Variants in NPSR1 observed in about 807,000 individuals in gnomAD.
The protein encoded by NPSR1 is neuropeptide S receptor 1.
NPSR1 carries 48 observed loss-of-function variants against 46.9 expected under a neutral mutation model. The observed-to-expected ratio is 1.02, with a 90% CI of 0.81 to 1.30. The LOEUF is 1.30. Ranked by LOEUF, NPSR1 falls within the 50% of genes most tolerant of loss-of-function variation. NPSR1 has a pLI of 0.00. For missense variants in NPSR1, 450 were observed against 449.5 expected, an observed-to-expected ratio of 1.00 and a Z score of -0.01; for synonymous variants, 176 against 168.1, an observed-to-expected ratio of 1.05 and a Z score of -0.36.
intron 3 of NPSR1, among the ~76,000 whole-genome samples, chr7:34,806,397 G>A (rs1788700231): frequency 6.6e-6 from 1 of 152,072 alleles, no homozygotes; most frequent in South Asian, 2.1e-4. Context: ...CCATTGCTAA[G>A]TGAAAGAAGC....
intron 2 of NPSR1, among the ~76,000 whole-genome samples, chr7:34,777,116 C>G (rs1786999988): frequency 6.6e-6 from 1 of 152,156 alleles, no homozygotes; most frequent in South Asian, 2.1e-4. Flanking sequence ...CCCCAGTGTA[C>G]TGGCTCTGGG....
At chr7:34,796,629 A>G (rs542280925) in intron 3 of NPSR1, among the ~76,000 whole-genome samples, 2 of 152,350 alleles carry the variant, frequency 1.3e-5, no homozygotes, top group South Asian at 2.1e-4. Context: ...AAACAATGAT[A>G]TAGCACTGCA....
chr7:34,857,165 T>C (rs1245528979), intron 8 of NPSR1, among the ~76,000 whole-genome samples: 1 of 151,750 alleles, frequency 6.6e-6, no homozygotes, highest in African/African-American at 2.4e-5. Flanking sequence ...ATGACTATTG[T>C]TCAGAAACTG....
intron 2 of NPSR1, among the ~76,000 whole-genome samples, chr7:34,724,687 T>C (rs1263013899): frequency 6.6e-6 from 1 of 152,180 alleles, no homozygotes; most frequent in African/African-American, 2.4e-5. Context: ...CCCAGCTCTA[T>C]GTCTAATGAG....
intron 2 of NPSR1, among the ~76,000 whole-genome samples, chr7:34,735,395 A>G (rs1229426414): frequency 6.6e-6 from 1 of 152,110 alleles, no homozygotes; most frequent in African/African-American, 2.4e-5. Flanking sequence ...CATTCTTGGC[A>G]GGGCCATCTC....
At chr7:34,732,701 C>G (rs1437219124) in intron 2 of NPSR1, among the ~76,000 whole-genome samples, 9 of 152,148 alleles carry the variant, frequency 5.9e-5, no homozygotes, top group Non-Finnish European at 2.9e-5. Flanking sequence ...CTGAATTTGA[C>G]TCACTCATGC....
intron 2 of NPSR1, among the ~76,000 whole-genome samples, chr7:34,738,112 C>T (rs1784767348): frequency 6.6e-6 from 1 of 152,290 alleles, no homozygotes; most frequent in East Asian, 1.9e-4. Context: ...CAGGAGAGAG[C>T]ATTTTTGGAG....
chr7:34,872,600 T>A (rs1485864316), intron 8 of NPSR1, among the ~76,000 whole-genome samples: 1 of 151,806 alleles, frequency 6.6e-6, no homozygotes. Flanking sequence ...AAGGGTTTAA[T>A]GGACTTACAG....
At chr7:34,773,827 C>G (rs1439185101) in intron 2 of NPSR1, among the ~76,000 whole-genome samples, 3 of 152,294 alleles carry the variant, frequency 2.0e-5, no homozygotes, top group African/African-American at 7.2e-5. Flanking sequence ...GTCAACTGGA[C>G]AAGTTATCTT....
At position 34,778,557 on chromosome 7, in the gene NPSR1, T is replaced by A. The variant is rs368017225; in HGVS notation, c.376T>A (p.Tyr126Asn). Residue 126 changes from tyrosine (Y) to asparagine (N), a missense_variant, in exon 3 of 9, where the codon TAT (tyrosine) becomes AAT (asparagine). By Grantham distance (143) the Tyr-to-Asn change is moderately radical. Coordinates refer to ENST00000360581, the MANE Select transcript of NPSR1 (RefSeq NM_207172.2). The stretch of plus-strand genomic sequence containing the variant: ...TGACCTGGTTTGCCGAGTGGTCCGC[T>A]ATTTGCAGGTATGTCACACCTTCCA... ...APDLVCRVVR[Y>N]LQVVLLYAST... 5.6e-6 allele frequency: 9 copies of A among 1,603,384 alleles called. No individual in the cohort carries two copies. In the African/African-American group the frequency reaches 1.2e-4, roughly 21 times the overall value.
At chr7:34,764,449 C>A (rs2128730420) in intron 2 of NPSR1, among the ~76,000 whole-genome samples, 1 of 152,300 alleles carries the variant, frequency 6.6e-6, no homozygotes, top group South Asian at 2.1e-4. Context: ...TATTGGATTA[C>A]AGCCAGGCCC....
At chr7:34,732,148 C>T (rs17777441) in intron 2 of NPSR1, among the ~76,000 whole-genome samples, 19,055 of 149,512 alleles carry the variant, frequency 0.13, 1,457 homozygotes, top group Non-Finnish European at 0.17. Context: ...ACAACTGATA[C>T]TAAAAGTCTA....
At chr7:34,707,856 T>C (rs1436726858) in intron 2 of NPSR1, among the ~76,000 whole-genome samples, 1 of 152,224 alleles carries the variant, frequency 6.6e-6, no homozygotes, top group Non-Finnish European at 1.5e-5. Context: ...AACAGAAATT[T>C]ACTTTCTCAC....
intron 6 of NPSR1, among the ~76,000 whole-genome samples, chr7:34,835,909 T>C (rs1311423922): frequency 6.6e-6 from 1 of 152,202 alleles, no homozygotes; most frequent in Non-Finnish European, 1.5e-5. Flanking sequence ...TCACTCCATC[T>C]GGAGTGGGGC....
chr7:34,692,522 T>C (rs1793315932), intron 2 of NPSR1, among the ~76,000 whole-genome samples: 1 of 152,068 alleles, frequency 6.6e-6, no homozygotes, highest in South Asian at 2.1e-4. Flanking sequence ...AGATACAACA[T>C]ACCAAAACCT....
At chr7:34,828,862 A>G (rs1304834723) in intron 5 of NPSR1, among the ~76,000 whole-genome samples, 4 of 152,320 alleles carry the variant, frequency 2.6e-5, no homozygotes, top group Non-Finnish European at 5.9e-5. Context: ...CTGTTAGCTA[A>G]GATCACTTGT....
intron 2 of NPSR1, among the ~76,000 whole-genome samples, chr7:34,736,755 C>T (rs1263136707): frequency 1.3e-5 from 2 of 152,064 alleles, no homozygotes; most frequent in African/African-American, 4.8e-5. Flanking sequence ...CATGCAGTAC[C>T]ACAATCAGCT....
chr7:34,786,852 T>G (rs1787487891), intron 3 of NPSR1, among the ~76,000 whole-genome samples: 1 of 152,108 alleles, frequency 6.6e-6, no homozygotes. Context: ...CAGTAAACCA[T>G]GCTGTGAACA....
At chr7:34,867,645 C>T (rs957069489) in intron 8 of NPSR1, among the ~76,000 whole-genome samples, 1 of 151,902 alleles carries the variant, frequency 6.6e-6, no homozygotes, top group Non-Finnish European at 1.5e-5. Flanking sequence ...CCAGGAGCAA[C>T]AGGGATGATT....
Sources: allele counts gnomAD v4.1 joint callset (sites outside exome capture counted in the v4.1 genomes callset), GRCh38; gene constraint gnomAD v4.1.1; transcripts MANE v1.5; gene names NCBI Gene and HGNC (gene_info 2026-07-23, HGNC 2026-07-21).